SPINK8: variants seen among roughly 807,000 people sequenced by gnomAD.
SPINK8 encodes the protein serine protease inhibitor Kazal-type 8.
Under a neutral mutation model 14.4 loss-of-function variants are expected in SPINK8, and 12 were observed. That is an observed-to-expected ratio of 0.83 (90% CI 0.53 to 1.35). The LOEUF (loss-of-function observed/expected upper bound fraction) is 1.35. Among genes scored for constraint, SPINK8 ranks in the 40% most tolerant of loss-of-function variants. SPINK8 has a pLI of 0.00. For synonymous variants in SPINK8, 32 were observed against 37.6 expected, an observed-to-expected ratio of 0.85 and a Z score of 0.55; for missense variants, 103 against 117.0, an observed-to-expected ratio of 0.88 and a Z score of 0.55.
intron 2 of SPINK8, among the ~76,000 whole-genome samples, chr3:48,329,718 A>T (rs1363176091): frequency 1.3e-5 from 2 of 152,224 alleles, no homozygotes; most frequent in Non-Finnish European, 2.9e-5. Flanking sequence ...GCTGAAGTAC[A>T]GTGGCATAAT....
intron 2 of SPINK8, among the ~76,000 whole-genome samples, chr3:48,329,983 T>A (rs1179345896): frequency 6.6e-6 from 1 of 152,212 alleles, no homozygotes; most frequent in African/African-American, 2.4e-5. Context: ...AACGCTAACA[T>A]TTTTTAAAGC....
At chr3:48,311,057 T>C (rs2035918362) in intron 6 of SPINK8, among the ~76,000 whole-genome samples, 1 of 150,072 alleles carries the variant, frequency 6.7e-6, no homozygotes, top group African/African-American at 2.4e-5. Context: ...ATGGCCTTTA[T>C]CCCAAGAATT....
At chr3:48,322,448 G>T (rs1384968402) in intron 4 of SPINK8, among the ~76,000 whole-genome samples, 1 of 151,358 alleles carries the variant, frequency 6.6e-6, no homozygotes, top group Non-Finnish European at 1.5e-5. Flanking sequence ...TGATTCTCCT[G>T]TCTCAGCCTT....
chr3:48,326,630 C>T (rs965970204), intron 4 of SPINK8, among the ~76,000 whole-genome samples: 4 of 150,924 alleles, frequency 2.7e-5, no homozygotes, highest in South Asian at 4.2e-4. Flanking sequence ...AAGGTGTGGC[C>T]GGGTGAGGTG....
At chr3:48,332,173 C>T (rs1161108745) in intron 2 of SPINK8, among the ~76,000 whole-genome samples, 193 bp downstream of exon 2, 1 of 152,192 alleles carries the variant, frequency 6.6e-6, no homozygotes, top group East Asian at 1.9e-4. Flanking sequence ...TTTCCAGAGC[C>T]TCCAAAGTCC....
chr3:48,328,734 C>T (rs946089963), intron 3 of SPINK8, among the ~76,000 whole-genome samples: 3 of 152,098 alleles, frequency 2.0e-5, no homozygotes, highest in Non-Finnish European at 4.4e-5. Context: ...CCCAGGAGTT[C>T]GAGACCAGCC....
At chr3:48,332,242 C>G (rs1239901391) in intron 2 of SPINK8, among the ~76,000 whole-genome samples, 124 bp downstream of exon 2, 1 of 152,190 alleles carries the variant, frequency 6.6e-6, no homozygotes, top group African/African-American at 2.4e-5. Flanking sequence ...TTGTCCAGTT[C>G]TGCCTGCTCC....
In SPINK8 at chr3:48,328,397, C is replaced by A. The variant is rs569798224; in HGVS notation, c.-13-43G>T. 6 of 1,452,588 alleles carry A rather than the reference C, an allele frequency of 4.1e-6. No homozygotes were observed. The African/African-American group carries it at 4.2e-5, about 10-fold the overall frequency. 90.0% of individuals were successfully genotyped at this position (1,452,588 alleles called of 1,614,324 possible). A position where few individuals can be genotyped will look rare whatever the true frequency, so the allele number is the denominator to read the frequency against. On this transcript the variant is annotated intron_variant, in intron 3 of 7. Coordinates refer to ENST00000434006, the MANE Select transcript of SPINK8 (RefSeq NM_001080525.3). ...TTTTGATGTAGGACAAACATCTATG[C>A]GAAGTACAAGTTCTCACAGAGATCC... is the stretch of plus-strand genomic sequence containing the variant.
intron 2 of SPINK8, among the ~76,000 whole-genome samples, chr3:48,329,978 T>C (rs973763398): frequency 6.6e-6 from 1 of 152,212 alleles, no homozygotes; most frequent in Non-Finnish European, 1.5e-5. Flanking sequence ...CTCAAAACGC[T>C]AACATTTTTT....
intron 6 of SPINK8, among the ~76,000 whole-genome samples, chr3:48,316,126 T>A (rs531141361): frequency 6.6e-6 from 1 of 152,238 alleles, no homozygotes; most frequent in African/African-American, 2.4e-5. Flanking sequence ...TGGGACACTG[T>A]CAAGGGCATC....
At chr3:48,330,380 G>C (rs946394429) in intron 2 of SPINK8, among the ~76,000 whole-genome samples, 1 of 152,086 alleles carries the variant, frequency 6.6e-6, no homozygotes, top group African/African-American at 2.4e-5. Context: ...TTAGCTGGGC[G>C]TGGTGGTGCG....
Position 48,309,928 on chromosome 3 carries a change from T to C in SPINK8, c.258A>G (p.Ile86Met), listed in dbSNP as rs2035901458. Reference sequence around the variant, plus strand: ...CACATTGTCCATCATACAGTTTAGTTATGTTAAGCCCTTCAAATCTGAAAG... The same window carrying C: ...CACATTGTCCATCATACAGTTTAGTCATGTTAAGCCCTTCAAATCTGAAAG... ...CSKILFEGLN[I>M]TKLYDGQCEN... Residue 86 changes from isoleucine to methionine, a missense_variant, in exon 7 of 8, where the codon ATA (isoleucine) becomes ATG (methionine). Transcript: ENST00000434006. 6.9e-7 allele frequency: 1 copy of C among 1,443,916 alleles called. No individual in the cohort carries two copies. The highest frequency in any genetic ancestry group is 9.1e-7 in the Non-Finnish European group (1 of 1,100,170). 89.4% of individuals were successfully genotyped at this position (1,443,916 alleles called of 1,614,324 possible). A position where few individuals can be genotyped will look rare whatever the true frequency, so the allele number is the denominator to read the frequency against.
intron 1 of SPINK8, among the ~76,000 whole-genome samples, chr3:48,332,995 C>T (rs947551586): frequency 1.3e-5 from 2 of 151,940 alleles, no homozygotes; most frequent in African/African-American, 4.8e-5. Context: ...TTCTCTATCT[C>T]CTTTGGCACC....
At chr3:48,312,049 G>A (rs182368902) in intron 6 of SPINK8, among the ~76,000 whole-genome samples, 1 of 151,326 alleles carries the variant, frequency 6.6e-6, no homozygotes, top group Non-Finnish European at 1.5e-5. Flanking sequence ...CAGGAGGATT[G>A]TGTGGGCCTG....
At chr3:48,323,627 G>A (rs552123165) in intron 4 of SPINK8, among the ~76,000 whole-genome samples, 44 of 152,228 alleles carry the variant, frequency 2.9e-4, no homozygotes, top group African/African-American at 1.0e-3. Flanking sequence ...TGTGTCCATG[G>A]TGTGAGGAAA....
intron 5 of SPINK8, among the ~76,000 whole-genome samples, chr3:48,320,441 G>A (rs985051050): frequency 2.6e-5 from 4 of 151,900 alleles, no homozygotes; most frequent in South Asian, 2.1e-4. Context: ...CAAGCTACTC[G>A]GGAGGCTGAG....
chr3:48,310,745 C>T (rs2035914716), intron 6 of SPINK8, among the ~76,000 whole-genome samples: 1 of 152,114 alleles, frequency 6.6e-6, no homozygotes, highest in South Asian at 2.1e-4. Flanking sequence ...GTGATCCACC[C>T]GCTTCGGCCT....
chr3:48,319,720 C>G (rs2036045160), intron 5 of SPINK8, 102 bp from the exon 6 acceptor site: 1 of 1,494,820 alleles, frequency 6.7e-7, no homozygotes, highest in East Asian at 2.3e-5. Flanking sequence ...AGCACCAGAT[C>G]AGGAGTTCAG....
At chr3:48,318,490 T>C (rs2036024964) in intron 6 of SPINK8, among the ~76,000 whole-genome samples, 1 of 152,372 alleles carries the variant, frequency 6.6e-6, no homozygotes, top group African/African-American at 2.4e-5. Flanking sequence ...AGGCCATCTC[T>C]CAGATGTCTC....
Sources: gnomAD v4.1 joint callset for allele counts (sites outside exome capture counted in the v4.1 genomes callset) on GRCh38, gnomAD v4.1.1 for gene constraint, MANE v1.5 for transcripts, NCBI Gene and HGNC (gene_info 2026-07-23, HGNC 2026-07-21) for gene names.